The following TNNI3K variants were observed in gnomAD, a reference collection of about 807,000 sequenced individuals.
TNNI3K encodes the protein serine/threonine-protein kinase TNNI3K.
Under a neutral mutation model 114.5 loss-of-function variants are expected in TNNI3K, and 140 were observed. The ratio of observed to expected loss-of-function variants is 1.22; its 90% CI spans 1.07 to 1.41. The LOEUF is 1.41. TNNI3K is among the 40% of genes most tolerant of loss of function. The probability of loss-of-function intolerance (pLI) is 0.00; values close to 1 mark genes in which losing one functional copy is unlikely to be tolerated. For synonymous variants in TNNI3K, 347 were observed against 347.5 expected (o/e 1.00, Z 0.02); for missense variants, 1,125 against 1,007.6 (o/e 1.12, Z -1.58).
intron 4 of TNNI3K, among the ~76,000 whole-genome samples, chr1:74,258,647 T>C (rs1655477362): frequency 6.6e-6 from 1 of 152,208 alleles, no homozygotes. Flanking sequence ...CATTGCTCAC[T>C]TTAACACTTA....
At chr1:74,323,251 G>C (rs960272435) in intron 5 of TNNI3K, among the ~76,000 whole-genome samples, 48 of 152,070 alleles carry the variant, frequency 3.2e-4, no homozygotes, top group African/African-American at 1.1e-3. Context: ...TGCCACATAA[G>C]ACAAAAAGCA....
At chr1:74,348,478 C>G (rs949665228) in intron 9 of TNNI3K, among the ~76,000 whole-genome samples, 3 of 152,120 alleles carry the variant, frequency 2.0e-5, no homozygotes, top group African/African-American at 7.2e-5. Flanking sequence ...CTTGGCAATG[C>G]GGGCTCTTTC....
intron 17 of TNNI3K, among the ~76,000 whole-genome samples, chr1:74,430,127 GCC>G (rs1272168626): frequency 6.6e-6 from 1 of 152,046 alleles, no homozygotes; most frequent in Non-Finnish European, 1.5e-5. Context: ...TCCTTCTAAG[GCC>G]ACCATGAACT....
intron 5 of TNNI3K, among the ~76,000 whole-genome samples, chr1:74,292,866 T>A (rs771696014): frequency 1.3e-5 from 2 of 151,656 alleles, no homozygotes; most frequent in Non-Finnish European, 3.0e-5. Flanking sequence ...TGATGCTATG[T>A]GTTATTGATA....
intron 5 of TNNI3K, among the ~76,000 whole-genome samples, chr1:74,288,139 G>GA (rs1271477963): frequency 6.6e-6 from 1 of 152,050 alleles, no homozygotes; most frequent in Non-Finnish European, 1.5e-5. Flanking sequence ...AGCAGTTATG[G>GA]AAAAGAGTAT....
chr1:74,398,635 C>T (rs1006104531), intron 17 of TNNI3K, among the ~76,000 whole-genome samples: 17 of 152,084 alleles, frequency 1.1e-4, no homozygotes, highest in African/African-American at 3.9e-4. Context: ...CTCCCAACTG[C>T]CACTGCCGGG....
intron 9 of TNNI3K, among the ~76,000 whole-genome samples, chr1:74,352,673 G>A (rs553317142): frequency 2.4e-4 from 36 of 152,238 alleles, no homozygotes; most frequent in Middle Eastern, 3.4e-3. Context: ...AATGGCAGGC[G>A]TCCCTCCCCC....
chr1:74,441,586 A>G (rs1025645755), intron 20 of TNNI3K, among the ~76,000 whole-genome samples: 1 of 152,096 alleles, frequency 6.6e-6, no homozygotes, highest in African/African-American at 2.4e-5. Flanking sequence ...TGTCTGTACC[A>G]TTATGAATTT....
intron 9 of TNNI3K, 137 bp from the exon 10 acceptor site, chr1:74,353,129 C>A: frequency 1.1e-6 from 1 of 899,686 alleles, no homozygotes; most frequent in Non-Finnish European, 1.7e-6. Context: ...AAGATACAAT[C>A]CCTAAATACA....
chr1:74,319,942 G>A (rs1397980930), intron 5 of TNNI3K, among the ~76,000 whole-genome samples: 1 of 152,174 alleles, frequency 6.6e-6, no homozygotes, highest in Non-Finnish European at 1.5e-5. Context: ...TTAGTCATAT[G>A]AGCTCTGGAG....
intron 2 of TNNI3K, among the ~76,000 whole-genome samples, chr1:74,243,178 T>A (rs1654354161): frequency 1.3e-5 from 2 of 150,428 alleles, no homozygotes; most frequent in African/African-American, 4.8e-5. Flanking sequence ...ACTCTAACTA[T>A]AATTGTTTAT....
At chr1:74,247,600 T>C (rs549619113) in intron 2 of TNNI3K, among the ~76,000 whole-genome samples, 5 of 152,284 alleles carry the variant, frequency 3.3e-5, no homozygotes, top group South Asian at 4.1e-4. Context: ...AGGGTACTGA[T>C]TGGTGCATTT....
chr1:74,312,640 T>C (rs1352051050), intron 5 of TNNI3K, among the ~76,000 whole-genome samples: 5 of 152,210 alleles, frequency 3.3e-5, no homozygotes, highest in African/African-American at 1.2e-4. Context: ...CTTCTGATTA[T>C]TCTGGACTAT....
intron 23 of TNNI3K, among the ~76,000 whole-genome samples, chr1:74,512,324 A>G (rs2100384987): frequency 6.6e-6 from 1 of 152,320 alleles, no homozygotes; most frequent in South Asian, 2.1e-4. Context: ...ATTGGCCCCT[A>G]GAACTGTGCA....
intron 5 of TNNI3K, among the ~76,000 whole-genome samples, chr1:74,319,957 C>G (rs571301982): frequency 9.2e-5 from 14 of 152,330 alleles, no homozygotes; most frequent in South Asian, 8.3e-4. Flanking sequence ...CTGGAGCAAG[C>G]CTGCATAGTG....
chr1:74,381,677 C>T (rs910630914), intron 17 of TNNI3K, among the ~76,000 whole-genome samples: 4 of 151,988 alleles, frequency 2.6e-5, no homozygotes, highest in South Asian at 2.1e-4. Context: ...CTTCTTGGTT[C>T]GAACTTGAAT....
At chr1:74,282,634 ACACAATT>A (rs1281474892) in intron 5 of TNNI3K, among the ~76,000 whole-genome samples, 4 of 152,140 alleles carry the variant, frequency 2.6e-5, no homozygotes, top group African/African-American at 9.7e-5. Flanking sequence ...ATTTCAGGGG[ACACAATT>A]CCCCATAGCA....
At chr1:74,358,307 G>A (rs1243690894) in intron 11 of TNNI3K, among the ~76,000 whole-genome samples, 1 of 152,104 alleles carries the variant, frequency 6.6e-6, no homozygotes, top group Non-Finnish European at 1.5e-5. Context: ...CAGGAAGCTG[G>A]AGGTGGAGAA....
In TNNI3K at chr1:74,497,197, A is replaced by G. The variant is rs79216181; in HGVS notation, c.2351+4931A>G. On this transcript the variant is annotated intron_variant, in intron 23 of 24. Transcript: ENST00000326637. Reference sequence around the variant, plus strand: ...TTGTGTAAGATGATAGCACCATGACACTGATGTTCCTAGGAAGAATGAAGA... The same window carrying G: ...TTGTGTAAGATGATAGCACCATGACGCTGATGTTCCTAGGAAGAATGAAGA... Among the ~76,000 whole-genome samples, 19 of 152,224 alleles carry G rather than the reference A, an allele frequency of 1.2e-4. No homozygotes were observed. In the East Asian group the frequency reaches 3.5e-3, roughly 28 times the overall value.
Sources: gnomAD v4.1 joint callset for allele counts (sites outside exome capture counted in the v4.1 genomes callset) on GRCh38, gnomAD v4.1.1 for gene constraint, MANE v1.5 for transcripts, NCBI Gene and HGNC (gene_info 2026-07-23, HGNC 2026-07-21) for gene names.